Variants in ANKRD42 observed in about 807,000 individuals in gnomAD.
The protein encoded by ANKRD42 is ankyrin repeat domain 42.
A neutral mutation model predicts 51.5 loss-of-function variants in ANKRD42; 43 were observed. That is an observed-to-expected ratio of 0.83 (90% CI 0.65 to 1.08). ANKRD42 has a LOEUF of 1.08. Ranked by LOEUF, ANKRD42 falls within the 50% of genes least tolerant of loss-of-function variation. The pLI is 0.00. For synonymous variants in ANKRD42, 203 were observed against 213.0 expected, an observed-to-expected ratio of 0.95 and a Z score of 0.41; for missense variants, 608 against 629.3, an observed-to-expected ratio of 0.97 and a Z score of 0.36.
downstream of ANKRD42, chr11:83,260,670 C>A (rs1863888307): frequency 6.6e-6 from 1 of 152,144 alleles, no homozygotes; most frequent in Non-Finnish European, 1.5e-5. Context: ...ATAGCTATTA[C>A]CAAGGCATTA....
intron 5 of ANKRD42, among the ~76,000 whole-genome samples, chr11:83,219,331 T>C (rs58733012): frequency 0.019 from 2,948 of 152,326 alleles, 111 homozygotes; most frequent in African/African-American, 0.067. Flanking sequence ...TTATTGTGGT[T>C]CTTCTGCCAA....
intron 8 of ANKRD42, among the ~76,000 whole-genome samples, chr11:83,236,965 G>T (rs1447111379): frequency 6.6e-6 from 1 of 152,142 alleles, no homozygotes; most frequent in Non-Finnish European, 1.5e-5. Context: ...AACATATTTT[G>T]CAATTTACAT....
intron 2 of ANKRD42, among the ~76,000 whole-genome samples, chr11:83,199,764 C>T (rs550502283): frequency 1.3e-5 from 2 of 152,348 alleles, no homozygotes; most frequent in African/African-American, 4.8e-5. Context: ...TGACTTCCTT[C>T]TGTGAGTATG....
At chr11:83,224,689 G>C (rs1001016298) in intron 5 of ANKRD42, among the ~76,000 whole-genome samples, 166 bp from the exon 6 acceptor site, 2 of 152,050 alleles carry the variant, frequency 1.3e-5, no homozygotes, top group African/African-American at 2.4e-5. Context: ...AGGATGAGGT[G>C]GGGGGAATCA....
chr11:83,233,155 G>T (rs1297716543), intron 7 of ANKRD42, among the ~76,000 whole-genome samples: 1 of 150,964 alleles, frequency 6.6e-6, no homozygotes, highest in Non-Finnish European at 1.5e-5. Context: ...AGTAGGATTG[G>T]TATTAGTTCT....
chr11:83,238,627 T>C (rs142657187), intron 8 of ANKRD42, among the ~76,000 whole-genome samples: 1,895 of 152,198 alleles, frequency 0.012, 39 homozygotes, highest in African/African-American at 0.043. Flanking sequence ...GGTCAGGAGT[T>C]TGAGATCAGG....
intron 9 of ANKRD42, among the ~76,000 whole-genome samples, chr11:83,243,964 GC>G: frequency 9.5e-6 from 1 of 105,460 alleles, no homozygotes; most frequent in Non-Finnish European, 1.9e-5. Flanking sequence ...TCGCCTGGCT[GC>G]CCTTTTTTTT....
At chr11:83,224,586 T>C (rs868707895) in intron 5 of ANKRD42, among the ~76,000 whole-genome samples, 1 of 152,306 alleles carries the variant, frequency 6.6e-6, no homozygotes, top group Middle Eastern at 3.4e-3. Flanking sequence ...AGAGCTAATG[T>C]GTTATTTCTT....
intron 5 of ANKRD42, chr11:83,214,664 T>A: frequency 1.5e-6 from 1 of 652,154 alleles, no homozygotes; most frequent in Non-Finnish European, 1.9e-6. Flanking sequence ...AATTTGATAA[T>A]GTATAAAGAT....
chr11:83,263,672 G>A (rs1864066524), downstream of ANKRD42, among the ~76,000 whole-genome samples: 1 of 152,050 alleles, frequency 6.6e-6, no homozygotes, highest in Non-Finnish European at 1.5e-5. Flanking sequence ...TCCTTTCTGA[G>A]GATTTTAAAA....
intron 3 of ANKRD42, chr11:83,209,756 C>T: frequency 1.6e-6 from 1 of 642,194 alleles, no homozygotes; most frequent in Non-Finnish European, 2.8e-6. Context: ...AGAAGATGTT[C>T]AATGTACTGT....
chr11:83,217,722 T>G (rs942001780), intron 5 of ANKRD42, among the ~76,000 whole-genome samples: 1 of 152,226 alleles, frequency 6.6e-6, no homozygotes, highest in East Asian at 1.9e-4. Context: ...TTCCAGTGAT[T>G]GCCTTGGCAT....
chr11:83,257,214 C>G, downstream of ANKRD42: 1 of 424,060 alleles, frequency 2.4e-6, no homozygotes. Context: ...GCTTTAGTGT[C>G]CATGTGAGAT....
At chr11:83,260,982 A>C (rs1396153946), downstream of ANKRD42, 1 of 152,206 alleles carries the variant, frequency 6.6e-6, no homozygotes, top group Non-Finnish European at 1.5e-5. Context: ...AGCAGGGATA[A>C]ACTGGTTTTT....
At chr11:83,240,725 G>T in intron 8 of ANKRD42, 34 bp from the exon 9 acceptor site, 1 of 1,610,210 alleles carries the variant, frequency 6.2e-7, no homozygotes, top group Non-Finnish European at 8.5e-7. Flanking sequence ...GAAGAAGATT[G>T]TGGATCTGGT....
chr11:83,259,577 G>A (rs924567259), downstream of ANKRD42: 8 of 151,882 alleles, frequency 5.3e-5, no homozygotes, highest in Non-Finnish European at 8.8e-5. Flanking sequence ...TCTGGGTTGT[G>A]AATATAACTA....
At chr11:83,242,567 G>GTTTTTTTTTTTTTTTTTTTTTTTTT (rs539259244) in intron 9 of ANKRD42, among the ~76,000 whole-genome samples, 11 of 115,544 alleles carry the variant, frequency 9.5e-5, no homozygotes, top group East Asian at 2.5e-4. Context: ...TGGTAGTTAA[G>GTTTTTTTTTTTTTTTTTTTTTTTTT]TTTTTTTTTT....
intron 11 of ANKRD42, among the ~76,000 whole-genome samples, chr11:83,254,173 A>T (rs183809771): frequency 1.2e-4 from 18 of 151,616 alleles, no homozygotes; most frequent in African/African-American, 4.4e-4. Context: ...GAGAGAGGGG[A>T]TTGTTGTCCA....
At chr11:83,206,007 A>C in intron 2 of ANKRD42, 51 bp from the exon 3 acceptor site, 1 of 1,488,428 alleles carries the variant, frequency 6.7e-7, no homozygotes, top group Non-Finnish European at 9.3e-7. Flanking sequence ...TAAAAGATAA[A>C]AATGTTAAAA....
Sources: allele counts gnomAD v4.1 joint callset (sites outside exome capture counted in the v4.1 genomes callset), GRCh38; gene constraint gnomAD v4.1.1; transcripts MANE v1.5; gene names NCBI Gene and HGNC (gene_info 2026-07-23, HGNC 2026-07-21).